The following LUZP2 variants were observed in gnomAD, a reference collection of about 807,000 sequenced individuals.
LUZP2 encodes leucine zipper protein 2.
In LUZP2, 52 loss-of-function variants were observed where a neutral mutation model predicts 51.6. That is an observed-to-expected ratio of 1.01 (90% CI 0.81 to 1.27). The LOEUF (loss-of-function observed/expected upper bound fraction) is 1.27. Among genes scored for constraint, LUZP2 ranks in the 50% most tolerant of loss-of-function variants. LUZP2 has a pLI of 0.00. For synonymous variants in LUZP2, 154 were observed against 137.3 expected (o/e 1.12, Z -0.85); for missense variants, 436 against 395.4 (o/e 1.10, Z -0.87).
intron 9 of LUZP2, among the ~76,000 whole-genome samples, chr11:25,031,520 A>G (rs1857685781): frequency 6.6e-6 from 1 of 152,124 alleles, no homozygotes. Context: ...TGTGCCTATC[A>G]ATATTGCTTG....
intron 7 of LUZP2, among the ~76,000 whole-genome samples, chr11:24,928,337 A>T (rs763701916): frequency 1.3e-5 from 2 of 151,732 alleles, no homozygotes; most frequent in African/African-American, 4.8e-5. Context: ...AATGCTTTCA[A>T]CTTCTCCTTG....
At chr11:24,947,292 C>T (rs1467672079) in intron 7 of LUZP2, among the ~76,000 whole-genome samples, 1 of 151,850 alleles carries the variant, frequency 6.6e-6, no homozygotes, top group Admixed American at 6.6e-5. Flanking sequence ...TTCTCCTTGT[C>T]CTCTTCACAC....
chr11:24,920,121 A>G (rs1565109066), intron 7 of LUZP2, among the ~76,000 whole-genome samples: 1 of 151,882 alleles, frequency 6.6e-6, no homozygotes, highest in Non-Finnish European at 1.5e-5. Context: ...ATTAAAAACA[A>G]TGTTTACAAT....
intron 7 of LUZP2, among the ~76,000 whole-genome samples, chr11:24,926,273 GTGTATATATATA>G (rs879409967): frequency 0.44 from 48,137 of 109,684 alleles, 13,913 homozygotes; most frequent in East Asian, 0.8. Flanking sequence ...ATATATATAC[GTGTATATATATA>G]TACGTGTGTA....
At chr11:24,603,839 C>T (rs759612173) in intron 1 of LUZP2, among the ~76,000 whole-genome samples, 36 of 151,660 alleles carry the variant, frequency 2.4e-4, no homozygotes, top group Non-Finnish European at 5.0e-4. Flanking sequence ...GAAAAAGATA[C>T]AGGAATACAG....
At chr11:24,772,624 T>G (rs1047587289) in intron 5 of LUZP2, among the ~76,000 whole-genome samples, 5 of 152,176 alleles carry the variant, frequency 3.3e-5, no homozygotes, top group African/African-American at 1.2e-4. Context: ...ACTATCCATA[T>G]AAGGTTCTAA....
intron 5 of LUZP2, among the ~76,000 whole-genome samples, chr11:24,885,872 A>G (rs1852653211): frequency 6.6e-6 from 1 of 152,176 alleles, no homozygotes; most frequent in South Asian, 2.1e-4. Context: ...AATTTCCTAT[A>G]CAAGAAAACC....
intron 1 of LUZP2, among the ~76,000 whole-genome samples, chr11:24,514,694 T>C (rs1850411649): frequency 6.6e-6 from 1 of 152,130 alleles, no homozygotes; most frequent in African/African-American, 2.4e-5. Context: ...TATTCCCAAG[T>C]GTGAGAAAAG....
intron 1 of LUZP2, among the ~76,000 whole-genome samples, chr11:24,537,753 C>T (rs1851224642): frequency 6.6e-6 from 1 of 151,772 alleles, no homozygotes. Flanking sequence ...ATACCTTTTG[C>T]ATATATTATT....
At chr11:24,604,618 C>A (rs576614093) in intron 1 of LUZP2, among the ~76,000 whole-genome samples, 1 of 151,964 alleles carries the variant, frequency 6.6e-6, no homozygotes, top group East Asian at 1.9e-4. Flanking sequence ...CTGACACTGA[C>A]TGCCTGGGTT....
chr11:24,567,466 C>T (rs1175886791), intron 1 of LUZP2, among the ~76,000 whole-genome samples: 7 of 151,906 alleles, frequency 4.6e-5, no homozygotes, highest in Non-Finnish European at 1.5e-5. Context: ...TTAGTATATA[C>T]ATTCACTAAG....
At chr11:24,709,201 T>C (rs1328285285) in intron 1 of LUZP2, among the ~76,000 whole-genome samples, 1 of 152,166 alleles carries the variant, frequency 6.6e-6, no homozygotes, top group Non-Finnish European at 1.5e-5. Flanking sequence ...TGAGAAATTA[T>C]ATATGCGGCA....
At chr11:24,653,206 T>C (rs549245347) in intron 1 of LUZP2, among the ~76,000 whole-genome samples, 1 of 152,284 alleles carries the variant, frequency 6.6e-6, no homozygotes, top group East Asian at 1.9e-4. Context: ...GATGTTGTCC[T>C]GGTCCATGGT....
chr11:24,796,527 G>GTA (rs1300712070), intron 5 of LUZP2, among the ~76,000 whole-genome samples: 1 of 142,956 alleles, frequency 7.0e-6, no homozygotes, highest in African/African-American at 2.6e-5. Flanking sequence ...GTGTGTGTGT[G>GTA]TGTGTGCCAC....
At chr11:24,960,934 G>C (rs181831249) in intron 7 of LUZP2, among the ~76,000 whole-genome samples, 3 of 151,968 alleles carry the variant, frequency 2.0e-5, no homozygotes, top group East Asian at 1.9e-4. Context: ...CCCAGAGATT[G>C]TGGTATGTTG....
intron 7 of LUZP2, among the ~76,000 whole-genome samples, chr11:24,915,560 T>G (rs1288386077): frequency 6.6e-6 from 1 of 152,108 alleles, no homozygotes; most frequent in Non-Finnish European, 1.5e-5. Flanking sequence ...AATTTTAGAT[T>G]CTATTGTGAA....
intron 10 of LUZP2, among the ~76,000 whole-genome samples, chr11:25,067,778 T>G (rs1269066075): frequency 6.6e-6 from 1 of 151,972 alleles, no homozygotes; most frequent in Non-Finnish European, 1.5e-5. Context: ...CTCAAGGATT[T>G]GAACTAGAAA....
chr11:24,571,177 G>A (rs1247785359), intron 1 of LUZP2, among the ~76,000 whole-genome samples: 1 of 145,382 alleles, frequency 6.9e-6, no homozygotes, highest in Non-Finnish European at 1.5e-5. Flanking sequence ...GAAAGGCAGT[G>A]TTGCTGGTGA....
rs200310853 is a variant in LUZP2 at position 25,049,736 on chromosome 11, TTAAAA to T, written c.766-295_766-291del. On this transcript the variant is annotated intron_variant, in intron 9 of 11. Coordinates refer to ENST00000336930, the MANE Select transcript of LUZP2 (RefSeq NM_001009909.4). ...TATACTTTGTGGGGGACTAGAATCC[TTAAAA>T]TAAAATCTTACCATGGAAGAAATAA... Among the ~76,000 whole-genome samples, 344 of 152,136 alleles carry T rather than the reference TTAAAA, an allele frequency of 2.3e-3. 2 individuals are homozygous for T. The East Asian group carries it at 0.029, about 13-fold the overall frequency.
Sources: allele counts gnomAD v4.1 joint callset (sites outside exome capture counted in the v4.1 genomes callset), GRCh38; gene constraint gnomAD v4.1.1; transcripts MANE v1.5; gene names NCBI Gene and HGNC (gene_info 2026-07-23, HGNC 2026-07-21).